The following NUDCD2 variants were observed in gnomAD, a reference collection of about 807,000 sequenced individuals.
NUDCD2 encodes NudC domain containing 2.
Under a neutral mutation model 20.8 loss-of-function variants are expected in NUDCD2, and 16 were observed. The observed-to-expected ratio is 0.77, with a 90% CI of 0.52 to 1.17. The LOEUF is 1.17. Among genes scored for constraint, NUDCD2 ranks in the 50% most tolerant of loss-of-function variants. The pLI is 0.00. For missense variants in NUDCD2, 199 were observed against 193.9 expected (o/e 1.03, Z -0.16); for synonymous variants, 87 against 72.8 (o/e 1.20, Z -1.00).
In NUDCD2 at chr5:163,460,003, G is replaced by A. The variant is rs1758445564; in HGVS notation, c.48C>T (p.Thr16=). ...EERSGVVPCG[T]PWGQWYQTLE... ...AGGTCTGGTACCACTGGCCCCACGG[G>A]GTCCCGCACGGTACCACCCCACTCC... The change falls in exon 1 of 4, where the codon ACC becomes ACT. Residue 16 remains threonine (T), a synonymous_variant. Coordinates refer to ENST00000302764, the MANE Select transcript of NUDCD2 (RefSeq NM_145266.6). 1 of 1,612,526 alleles carries A rather than the reference G, an allele frequency of 6.2e-7. No individual in the cohort carries two copies. The highest frequency in any genetic ancestry group is 1.3e-5 in the African/African-American group (1 of 74,868).
rs1371908059 is a variant in NUDCD2 at position 163,451,020 on chromosome 5, G to A, written c.*2947C>T. The A allele has an allele frequency of 1.3e-5, 2 of 152,180 alleles. No individual in the cohort carries two copies. Among genetic ancestry groups the A allele is most frequent in the Non-Finnish European group, 2.9e-5 (2 of 68,034 alleles). The allele number at this position is 152,180 out of a possible 1,614,324, so 9.4% of individuals were successfully genotyped here. On this transcript the variant is annotated 3_prime_UTR_variant, in exon 4 of 4. Coordinates refer to ENST00000302764, the MANE Select transcript of NUDCD2 (RefSeq NM_145266.6). ...ATGAACCTCTTAAGACATGTAAAGT[G>A]AAGGAAGCCAGTAACCAAAGACCAC... is the stretch of plus-strand genomic sequence containing the variant.
chr5:163,452,581 T>A lies in NUDCD2; in HGVS notation c.*1386A>T, dbSNP rs1758204308. On this transcript the variant is annotated 3_prime_UTR_variant, in exon 4 of 4. Transcript: ENST00000302764. ...ATTTAAAGTCTGATCAGAAACAAGG[T>A]AGTATTTTGCAACTATCTTCTCAAG... 1 of 152,120 alleles carries A rather than the reference T, an allele frequency of 6.6e-6. No individual in the cohort carries two copies. The highest frequency in any genetic ancestry group is 2.4e-5 in the African/African-American group (1 of 41,420). The allele number at this position is 152,120 out of a possible 1,614,324, so 9.4% of individuals were successfully genotyped here.
At position 163,449,114 on chromosome 5, in the gene NUDCD2, GAATAAAATAAAA is replaced by G. The variant is rs1467432736; in HGVS notation, c.*4841_*4852del. The G allele has an allele frequency of 6.6e-6, 1 of 152,030 alleles. No individual in the cohort carries two copies. The highest frequency in any genetic ancestry group is 2.4e-5 in the African/African-American group (1 of 41,362). The allele number at this position is 152,030 out of a possible 1,614,324, so 9.4% of individuals were successfully genotyped here. A position where few individuals can be genotyped will look rare whatever the true frequency, so the allele number is the denominator to read the frequency against. ...GGCAAGAAAAATCATAGACTAAAAA[GAATAAAATAAAA>G]CTGTTCCTATTCGTAGTTTATGTAG... On this transcript the variant is annotated 3_prime_UTR_variant, in exon 4 of 4. Coordinates refer to ENST00000302764, the MANE Select transcript of NUDCD2 (RefSeq NM_145266.6).
In NUDCD2 at chr5:163,453,416, T is replaced by G. The variant is rs1364456225; in HGVS notation, c.*551A>C. The G allele has an allele frequency of 5.2e-5, 8 of 152,524 alleles. No homozygotes were observed. Among genetic ancestry groups the G allele is most frequent in the Middle Eastern group, 3.4e-3 (1 of 294 alleles). The allele number at this position is 152,524 out of a possible 1,614,324, so 9.4% of individuals were successfully genotyped here. On this transcript the variant is annotated 3_prime_UTR_variant, in exon 4 of 4. Coordinates refer to ENST00000302764, the MANE Select transcript of NUDCD2 (RefSeq NM_145266.6). ...GGGTTTTAACTATTTTTAAACTTCT[T>G]GACATAAAGTAATCCCTCAAGTAAT...
intron 3 of NUDCD2, among the ~76,000 whole-genome samples, chr5:163,454,635 C>A (rs1034714098): frequency 1.3e-5 from 2 of 152,214 alleles, no homozygotes; most frequent in South Asian, 2.1e-4. Context: ...GCCATGGCGC[C>A]CAGCCTATAG....
chr5:163,455,388 A>G (rs942900627), intron 3 of NUDCD2, among the ~76,000 whole-genome samples: 1 of 152,220 alleles, frequency 6.6e-6, no homozygotes, highest in African/African-American at 2.4e-5. Flanking sequence ...CAGGGAGATG[A>G]TGGAATAACT....
At chr5:163,456,676 A>G (rs1421602448) in intron 3 of NUDCD2, among the ~76,000 whole-genome samples, 1 of 152,240 alleles carries the variant, frequency 6.6e-6, no homozygotes, top group Non-Finnish European at 1.5e-5. Context: ...GAGTTTATTC[A>G]TGCATTACTG....
In NUDCD2 at chr5:163,448,481, AAAT is replaced by A. The variant is rs1378044005; in HGVS notation, c.*5483_*5485del. ...TGAAAGGCATACAGTACCCAAACTTAAATAAACCTCAATAAATTCTCTATTTTT... is the reference window on the plus strand; with the variant it reads ...TGAAAGGCATACAGTACCCAAACTTAAAACCTCAATAAATTCTCTATTTTT... On this transcript the variant is annotated 3_prime_UTR_variant, in exon 4 of 4. Transcript: ENST00000302764. The A allele has an allele frequency of 2.0e-5, 3 of 152,278 alleles. No homozygotes were observed. The East Asian group carries it at 5.8e-4, about 29-fold the overall frequency. 9.4% of individuals were successfully genotyped at this position (152,278 alleles called of 1,614,324 possible). A position where few individuals can be genotyped will look rare whatever the true frequency, so the allele number is the denominator to read the frequency against.
In NUDCD2 at chr5:163,448,020, GTGT is replaced by G. The variant is rs2113396203; in HGVS notation, c.*5944_*5946del. The G allele has an allele frequency of 6.6e-6, 1 of 152,020 alleles. No individual in the cohort carries two copies. The highest frequency in any genetic ancestry group is 1.9e-4 in the East Asian group (1 of 5,152). 9.4% of individuals were successfully genotyped at this position (152,020 alleles called of 1,614,324 possible). A position where few individuals can be genotyped will look rare whatever the true frequency, so the allele number is the denominator to read the frequency against. On this transcript the variant is annotated 3_prime_UTR_variant, in exon 4 of 4. Coordinates refer to ENST00000302764, the MANE Select transcript of NUDCD2 (RefSeq NM_145266.6). Reference sequence around the variant, plus strand: ...TAAGAAAGTAGGAAAATCTAACTGGGTGTGGTGGCACACCACTATAGTCCCAGC... The same window carrying G: ...TAAGAAAGTAGGAAAATCTAACTGGGGGTGGCACACCACTATAGTCCCAGC...
intron 2 of NUDCD2, 98 bp from the exon 3 acceptor site, chr5:163,457,178 C>T (rs1758341059): frequency 1.6e-6 from 2 of 1,273,024 alleles, no homozygotes; most frequent in Non-Finnish European, 2.1e-6. Context: ...CTCACCCAGG[C>T]TGGAGTGCAG....
At position 163,449,205 on chromosome 5, in the gene NUDCD2, GAATAA is replaced by G. The variant is rs1267180005; in HGVS notation, c.*4757_*4761del. 1.3e-5 allele frequency: 2 copies of G among 151,814 alleles called. No individual in the cohort carries two copies. Among genetic ancestry groups the G allele is most frequent in the Admixed American group, 6.6e-5 (1 of 15,246 alleles). 9.4% of individuals were successfully genotyped at this position (151,814 alleles called of 1,614,324 possible). A position where few individuals can be genotyped will look rare whatever the true frequency, so the allele number is the denominator to read the frequency against. ...GGCAAGAAAAATCATAGACTAAAAA[GAATAA>G]AATAAAACTGTTTCTATTCGTAGTT... On this transcript the variant is annotated 3_prime_UTR_variant, in exon 4 of 4. Transcript: ENST00000302764.
chr5:163,455,735 G>GA (rs80324793), intron 3 of NUDCD2, among the ~76,000 whole-genome samples: 250 of 108,778 alleles, frequency 2.3e-3, no homozygotes, highest in Middle Eastern at 0.023. Context: ...CTCCATCTCA[G>GA]AAAAAAAAAA....
intron 2 of NUDCD2, among the ~76,000 whole-genome samples, chr5:163,457,311 T>C (rs999519914): frequency 9.2e-5 from 14 of 152,160 alleles, no homozygotes; most frequent in Admixed American, 8.5e-4. Flanking sequence ...TTTGTATTTT[T>C]AGTATAAACG....
chr5:163,458,782 G>C (rs1234600515), intron 1 of NUDCD2, among the ~76,000 whole-genome samples: 1 of 150,722 alleles, frequency 6.6e-6, no homozygotes, highest in Non-Finnish European at 1.5e-5. Flanking sequence ...AGCAGCTACT[G>C]CTAAATTCCG....
At position 163,459,994 on chromosome 5, in the gene NUDCD2, G is replaced by A. The variant is rs370428422; in HGVS notation, c.57C>T (p.Gly19=). The change falls in exon 1 of 4, where the codon GGC becomes GGT. Residue 19 remains glycine (G), a synonymous_variant. Coordinates refer to ENST00000302764, the MANE Select transcript of NUDCD2 (RefSeq NM_145266.6). ...CCTCCTCCAAGGTCTGGTACCACTG[G>A]CCCCACGGGGTCCCGCACGGTACCA... The part of the protein sequence containing the change: ...SGVVPCGTPW[G]QWYQTLEEVF... 1.9e-6 allele frequency: 3 copies of A among 1,613,212 alleles called. No individual in the cohort carries two copies. The highest frequency in any genetic ancestry group is 1.3e-5 in the African/African-American group (1 of 75,016).
In NUDCD2 at chr5:163,452,151, G is replaced by C. The variant is rs1758194326; in HGVS notation, c.*1816C>G. The stretch of plus-strand genomic sequence containing the variant: ...TGGAGAAGGAAAAAATGAAAATGAA[G>C]CCCATGGGATCAGAATTTATATGTG... On this transcript the variant is annotated 3_prime_UTR_variant, in exon 4 of 4. Coordinates refer to ENST00000302764, the MANE Select transcript of NUDCD2 (RefSeq NM_145266.6). 1 of 151,924 alleles carries C rather than the reference G, an allele frequency of 6.6e-6. No individual in the cohort carries two copies. The highest frequency in any genetic ancestry group is 1.5e-5 in the Non-Finnish European group (1 of 67,996). The allele number at this position is 151,924 out of a possible 1,614,324, so 9.4% of individuals were successfully genotyped here.
chr5:163,454,009 GT>G lies in NUDCD2; in HGVS notation c.431del (p.Asn144ThrfsTer34). Reference protein sequence around the residue: ...FDFSGAEISGNYTKGGPDFSN... With the variant: ...FDFSGAEISGXYTKGGPDFSN... Reference sequence around the variant, plus strand: ...AGAAATCTGGTCCACCTTTAGTGTAGTTTCCTGAGATTTCTGCTCCACTGAA... The same window carrying G: ...AGAAATCTGGTCCACCTTTAGTGTAGTTCCTGAGATTTCTGCTCCACTGAA... On this transcript the variant is annotated frameshift_variant, in exon 4 of 4. Transcript: ENST00000302764. LOFTEE classifies it high-confidence loss of function. The G allele has an allele frequency of 6.4e-7, 1 of 1,561,704 alleles. No homozygotes were observed. Among genetic ancestry groups the G allele is most frequent in the Non-Finnish European group, 8.7e-7 (1 of 1,150,256 alleles).
At position 163,453,753 on chromosome 5, in the gene NUDCD2, G is replaced by T. The variant is rs1258431347; in HGVS notation, c.*214C>A. 8.6e-6 allele frequency: 3 copies of T among 348,858 alleles called. No individual in the cohort carries two copies. Among genetic ancestry groups the T allele is most frequent in the Non-Finnish European group, 1.6e-5 (3 of 192,648 alleles). The allele number at this position is 348,858 out of a possible 1,614,324, so 21.6% of individuals were successfully genotyped here. ...AAAACTTCATGCTGAGCAAAAACAA[G>T]TCCAAAACAACTTTACCATATATCC... On this transcript the variant is annotated 3_prime_UTR_variant, in exon 4 of 4. Transcript: ENST00000302764.
Position 163,459,865 on chromosome 5 carries a change from G to C in NUDCD2, c.186C>G (p.Leu62=). 1 of 1,601,828 alleles carries C rather than the reference G, an allele frequency of 6.2e-7. No homozygotes were observed. The highest frequency in any genetic ancestry group is 8.5e-7 in the Non-Finnish European group (1 of 1,174,338). ...ACAAGCCCCGAGCTGCCGCTACCTT[G>C]AGGATCTCGCGGCCGCCCACCGACA... ...VALSVGGREI[L]KGKLFDSTIA... The change falls in exon 1 of 4, where the codon CTC becomes CTG. Residue 62 remains leucine, a synonymous_variant. Transcript: ENST00000302764.
Sources: gnomAD v4.1 joint callset for allele counts (sites outside exome capture counted in the v4.1 genomes callset) on GRCh38, gnomAD v4.1.1 for gene constraint, MANE v1.5 for transcripts, NCBI Gene and HGNC (gene_info 2026-07-23, HGNC 2026-07-21) for gene names.